Variants in GRM5 observed in about 807,000 individuals in gnomAD.
GRM5 encodes metabotropic glutamate receptor 5.
In GRM5, 19 loss-of-function variants were observed where a neutral mutation model predicts 83.1. That is an observed-to-expected ratio of 0.23 (90% CI 0.16 to 0.34). The LOEUF (loss-of-function observed/expected upper bound fraction) is 0.34. Among genes scored for constraint, GRM5 ranks in the 10% least tolerant of loss-of-function variants. GRM5 has a pLI of 1.00. For synonymous variants in GRM5, 675 were observed against 633.6 expected (o/e 1.07, Z -0.98); for missense variants, 1,160 against 1,588.3 (o/e 0.73, Z 4.58).
intron 3 of GRM5, among the ~76,000 whole-genome samples, chr11:88,834,149 G>T (rs556116946): frequency 1.1e-4 from 16 of 152,040 alleles, no homozygotes; most frequent in African/African-American, 3.9e-4. Flanking sequence ...TGATAAATAC[G>T]TGAGGTGATG....
chr11:88,788,430 G>GAA (rs1157294161), intron 3 of GRM5, among the ~76,000 whole-genome samples: 1 of 151,840 alleles, frequency 6.6e-6, no homozygotes, highest in Non-Finnish European at 1.5e-5. Flanking sequence ...AAAGCACATG[G>GAA]AAAAAAATGG....
chr11:88,688,713 C>T (rs553629750), intron 3 of GRM5, among the ~76,000 whole-genome samples: 52 of 152,084 alleles, frequency 3.4e-4, no homozygotes, highest in Admixed American at 1.9e-3. Context: ...CAAAGATGAA[C>T]AGAATCTCTC....
At chr11:88,607,768 C>G (rs780129695) in intron 4 of GRM5, among the ~76,000 whole-genome samples, 11 of 152,326 alleles carry the variant, frequency 7.2e-5, no homozygotes, top group Admixed American at 1.3e-4. Flanking sequence ...GCCTCTGAGC[C>G]CTTGTAATTG....
In GRM5 at chr11:88,938,523, C is replaced by T. The variant is rs185588571; in HGVS notation, c.662-88368G>A. ...TAATTCTTTTTATATACTTTTAATT[C>T]GCACAATATTTTTATGAGGTATTAC... On this transcript the variant is annotated intron_variant, in intron 2 of 9. Transcript: ENST00000305447. Among the ~76,000 whole-genome samples, 125 of 147,152 alleles carry T rather than the reference C, an allele frequency of 8.5e-4. 1 individual carries two copies. Among genetic ancestry groups the T allele is most frequent in the African/African-American group, 2.6e-3 (105 of 40,294 alleles).
intron 3 of GRM5, among the ~76,000 whole-genome samples, chr11:88,789,777 C>G (rs757698642): frequency 3.9e-5 from 6 of 152,272 alleles, no homozygotes; most frequent in Middle Eastern, 6.8e-3. Context: ...AAATTATATG[C>G]TGTACCAATA....
chr11:88,870,575 G>T (rs535482928), intron 2 of GRM5, among the ~76,000 whole-genome samples: 2 of 151,664 alleles, frequency 1.3e-5, no homozygotes, highest in East Asian at 3.9e-4. Context: ...TAAAAAGAAA[G>T]AATTAAGAAT....
chr11:89,014,881 C>T (rs1940809848), intron 2 of GRM5, among the ~76,000 whole-genome samples: 1 of 152,150 alleles, frequency 6.6e-6, no homozygotes, highest in Non-Finnish European at 1.5e-5. Flanking sequence ...GTCTTGAATG[C>T]TTGGTTCTGG....
At chr11:88,977,084 A>G (rs1455388721) in intron 2 of GRM5, among the ~76,000 whole-genome samples, 1 of 151,592 alleles carries the variant, frequency 6.6e-6, no homozygotes, top group Non-Finnish European at 1.5e-5. Flanking sequence ...TAATAGATTC[A>G]TTTGAAGAGA....
At chr11:88,729,473 A>T (rs559742802) in intron 3 of GRM5, among the ~76,000 whole-genome samples, 34 of 152,322 alleles carry the variant, frequency 2.2e-4, no homozygotes, top group African/African-American at 7.9e-4. Flanking sequence ...TATAGATTTA[A>T]TGCTATCCCC....
At chr11:88,681,021 A>T (rs996631350) in intron 3 of GRM5, among the ~76,000 whole-genome samples, 1 of 152,142 alleles carries the variant, frequency 6.6e-6, no homozygotes, top group African/African-American at 2.4e-5. Flanking sequence ...GACTCATTCT[A>T]TGTCTCAGAG....
chr11:88,785,994 T>C (rs1041120601), intron 3 of GRM5, among the ~76,000 whole-genome samples: 1 of 152,146 alleles, frequency 6.6e-6, no homozygotes, highest in African/African-American at 2.4e-5. Flanking sequence ...TGTAAAAATC[T>C]GCTAGTTCAG....
intron 3 of GRM5, among the ~76,000 whole-genome samples, chr11:88,659,338 C>T (rs1304308381): frequency 6.6e-6 from 1 of 152,090 alleles, no homozygotes; most frequent in Non-Finnish European, 1.5e-5. Context: ...ATTTCTTTTT[C>T]TCCTGGATTT....
Position 88,659,844 on chromosome 11 carries a change from T to C in GRM5, c.912-6441A>G, listed in dbSNP as rs536420286. ...ATGCCAAATAATTTAAAAATCTATC[T>C]CCCTTAATGAAATCTAAATCCATAA... On this transcript the variant is annotated intron_variant, in intron 3 of 9. Transcript: ENST00000305447. Among the ~76,000 whole-genome samples the C allele has an allele frequency of 2.0e-5, 3 of 152,222 alleles. No homozygotes were observed. In the South Asian group the frequency reaches 6.2e-4, roughly 32 times the overall value.
chr11:88,920,255 T>G (rs1945664732), intron 2 of GRM5, among the ~76,000 whole-genome samples: 1 of 151,942 alleles, frequency 6.6e-6, no homozygotes, highest in South Asian at 2.1e-4. Context: ...TGTAGACTAC[T>G]ATGAGCAACT....
chr11:88,684,356 A>T (rs12365000), intron 3 of GRM5, among the ~76,000 whole-genome samples: 2,853 of 152,288 alleles, frequency 0.019, 68 homozygotes, highest in East Asian at 0.096. Flanking sequence ...ACTAGAGAGG[A>T]TCTAAAATGA....
At chr11:88,887,794 A>G (rs1191851475) in intron 2 of GRM5, among the ~76,000 whole-genome samples, 2 of 152,254 alleles carry the variant, frequency 1.3e-5, no homozygotes, top group Non-Finnish European at 2.9e-5. Context: ...TTAACCAGAG[A>G]CTTTAAAGAA....
intron 2 of GRM5, among the ~76,000 whole-genome samples, chr11:88,905,856 G>A (rs1565286181): frequency 6.6e-6 from 1 of 152,112 alleles, no homozygotes; most frequent in Non-Finnish European, 1.5e-5. Context: ...CCGGAGTGTG[G>A]CAAGGCAGGA....
chr11:88,810,009 A>G (rs1943562432), intron 3 of GRM5, among the ~76,000 whole-genome samples: 1 of 152,074 alleles, frequency 6.6e-6, no homozygotes, highest in Admixed American at 6.6e-5. Context: ...CCTTTATAAG[A>G]AATAAAGGCT....
At chr11:88,671,556 C>T (rs1940194339) in intron 3 of GRM5, among the ~76,000 whole-genome samples, 1 of 151,886 alleles carries the variant, frequency 6.6e-6, no homozygotes, top group Non-Finnish European at 1.5e-5. Context: ...TAATGAATTG[C>T]AGTTTATTTA....
Sources: allele counts gnomAD v4.1 joint callset (sites outside exome capture counted in the v4.1 genomes callset), GRCh38; gene constraint gnomAD v4.1.1; transcripts MANE v1.5; gene names NCBI Gene and HGNC (gene_info 2026-07-23, HGNC 2026-07-21).